Variants in ZFP64 observed in about 807,000 individuals in gnomAD.
ZFP64 encodes the protein zinc finger protein 64.
A neutral mutation model predicts 51.6 loss-of-function variants in ZFP64; 14 were observed. The observed-to-expected ratio is 0.27, with a 90% CI of 0.18 to 0.42. The LOEUF is 0.42. Ranked by LOEUF, ZFP64 falls within the 10% of genes least tolerant of loss-of-function variation. The probability of loss-of-function intolerance (pLI) is 1.00; values close to 1 mark genes in which losing one functional copy is unlikely to be tolerated. For synonymous variants in ZFP64, 375 were observed against 361.4 expected (o/e 1.04, Z -0.43); for missense variants, 754 against 906.8 (o/e 0.83, Z 2.16).
Position 52,191,536 on chromosome 20 carries a change from C to G in ZFP64, c.46+55G>C. ...CGTCGCAGACGTGCTTGGGCCCGGG[C>G]CCCGGAGCGCGCACTGGGCCCCGGA... On this transcript the variant is annotated intron_variant, in intron 1 of 5. Transcript: ENST00000216923. The surrounding 1 kb of genome is among the most constrained non-coding windows in gnomAD (Gnocchi z 4.3). 6.7e-7 allele frequency: 1 copy of G among 1,498,110 alleles called. No individual in the cohort carries two copies. The highest frequency in any genetic ancestry group is 8.9e-7 in the Non-Finnish European group (1 of 1,126,112). 92.8% of individuals were successfully genotyped at this position (1,498,110 alleles called of 1,614,324 possible).
rs187654303 is a variant in ZFP64, at chr20:52,121,855, G to T, written c.764-23268C>A. On this transcript the variant is annotated intron_variant, in intron 5 of 8. Coordinates refer to the ZFP64 transcript ENST00000361387. ...AAGGACAGGCTGATTTTCTTGTTAGGGGCTAATGTAGCTGGTGACTTGAAG... is the reference window on the plus strand; with the variant it reads ...AAGGACAGGCTGATTTTCTTGTTAGTGGCTAATGTAGCTGGTGACTTGAAG... Among the ~76,000 whole-genome samples the T allele has an allele frequency of 2.6e-5, 4 of 152,242 alleles. No individual in the cohort carries two copies. In the East Asian group the frequency reaches 7.7e-4, roughly 29 times the overall value.
In ZFP64 at chr20:52,152,380, A is replaced by G. The variant is rs965870764; in HGVS notation, c.1812T>C (p.Ile604=). The G allele has an allele frequency of 3.1e-6, 5 of 1,614,172 alleles. No homozygotes were observed. Among genetic ancestry groups the G allele is most frequent in the Admixed American group, 1.7e-5 (1 of 60,028 alleles). ...CAGTGCAAGTAATACCCGAACTGGT[A>G]ATGAAAGTTTGATTGCCAGAGCCTT... ...PQEGSGNQTF[I]TSSGITCTDF... Residue 604 remains isoleucine, a synonymous_variant, in exon 6 of 6, where the codon ATT becomes ATC. Coordinates refer to ENST00000216923, the MANE Select transcript of ZFP64 (RefSeq NM_018197.3).
intron 2 of ZFP64, among the ~76,000 whole-genome samples, chr20:52,186,213 C>T (rs1481867474): frequency 2.0e-5 from 3 of 152,152 alleles, no homozygotes; most frequent in African/African-American, 7.2e-5. Context: ...AGTTATCTTC[C>T]TGCCCCTTAA....
intron 5 of ZFP64, among the ~76,000 whole-genome samples, chr20:52,120,612 T>A (rs973012018): frequency 1.4e-5 from 2 of 142,048 alleles, no homozygotes; most frequent in Non-Finnish European, 2.9e-5. Flanking sequence ...CTGAGATAAT[T>A]CTTGTAATAT....
chr20:52,180,753 A>G (rs1049189913), intron 2 of ZFP64, among the ~76,000 whole-genome samples: 2 of 152,098 alleles, frequency 1.3e-5, no homozygotes, highest in Non-Finnish European at 2.9e-5. Context: ...TGGAACCATC[A>G]GAGATGAGTT....
chr20:52,151,880 T>C lies in ZFP64; in HGVS notation c.*266A>G, dbSNP rs994085858. 4 of 980,522 alleles carry C rather than the reference T, an allele frequency of 4.1e-6. No homozygotes were observed. The African/African-American group carries it at 6.7e-5, about 16-fold the overall frequency. The allele number at this position is 980,522 out of a possible 1,614,324, so 60.7% of individuals were successfully genotyped here. On this transcript the variant is annotated 3_prime_UTR_variant, in exon 6 of 6. Transcript: ENST00000216923. ...GATGAAACCCCGTCTCTACTAAATATACAAAAATTAGCCAGTCATGATGTC... is the reference window on the plus strand; with the variant it reads ...GATGAAACCCCGTCTCTACTAAATACACAAAAATTAGCCAGTCATGATGTC...
At chr20:52,104,806 G>A (rs749486291) in intron 5 of ZFP64, 2 of 607,280 alleles carry the variant, frequency 3.3e-6, no homozygotes, top group African/African-American at 3.6e-5. Flanking sequence ...GGAGGCCGGA[G>A]ACTCGGGTGC....
At chr20:52,176,998 A>G (rs1289802210) in intron 2 of ZFP64, among the ~76,000 whole-genome samples, 22 of 152,140 alleles carry the variant, frequency 1.4e-4, no homozygotes, top group Admixed American at 1.4e-3. Context: ...CAAACAGGAA[A>G]AATAAACCAT....
At chr20:52,183,598 T>G (rs900386047) in intron 2 of ZFP64, among the ~76,000 whole-genome samples, 2 of 152,226 alleles carry the variant, frequency 1.3e-5, no homozygotes, top group Non-Finnish European at 2.9e-5. Flanking sequence ...AAGGGTTTTC[T>G]GGTTTTCACC....
At chr20:52,092,698 A>G (rs2078941353) in intron 7 of ZFP64, among the ~76,000 whole-genome samples, 1 of 152,174 alleles carries the variant, frequency 6.6e-6, no homozygotes, top group South Asian at 2.1e-4. Context: ...CACTGTAAAA[A>G]TACAAAAATT....
chr20:52,147,653 GC>G (rs1486134335), downstream of ZFP64, among the ~76,000 whole-genome samples: 1 of 151,504 alleles, frequency 6.6e-6, no homozygotes, highest in Non-Finnish European at 1.5e-5. Context: ...CCCTATTTTG[GC>G]TTTTCTTGAT....
chr20:52,155,087 T>C (rs527832404), intron 5 of ZFP64, among the ~76,000 whole-genome samples: 1 of 152,166 alleles, frequency 6.6e-6, no homozygotes, highest in Non-Finnish European at 1.5e-5. Context: ...TATATTAAAA[T>C]AGTTATTACA....
intron 7 of ZFP64, among the ~76,000 whole-genome samples, chr20:52,089,521 G>A (rs1482950201): frequency 3.3e-5 from 5 of 151,950 alleles, no homozygotes; most frequent in South Asian, 2.1e-4. Flanking sequence ...TGGGTGGATC[G>A]CTTGACCCCA....
chr20:52,188,384 G>A (rs1384829829), intron 1 of ZFP64, among the ~76,000 whole-genome samples: 6 of 137,630 alleles, frequency 4.4e-5, no homozygotes, highest in Non-Finnish European at 7.7e-5. Flanking sequence ...GTGCGATCTC[G>A]GCTCACTGCA....
At chr20:52,161,446 CTTTCTT>C (rs1981792234) in intron 4 of ZFP64, among the ~76,000 whole-genome samples, 1 of 127,724 alleles carries the variant, frequency 7.8e-6, no homozygotes, top group Non-Finnish European at 1.6e-5. Flanking sequence ...CTTGTGATTG[CTTTCTT>C]TTTTTTTTTT....
At chr20:52,136,043 G>A (rs551326420) in intron 5 of ZFP64, among the ~76,000 whole-genome samples, 1 of 133,188 alleles carries the variant, frequency 7.5e-6, no homozygotes, top group African/African-American at 2.8e-5. Flanking sequence ...AGGTTGCAGT[G>A]AGCCGAAATC....
exon 9 of ZFP64, chr20:52,084,501 G>A: frequency 6.6e-7 from 1 of 1,523,972 alleles, no homozygotes; most frequent in South Asian, 1.3e-5. Context: ...CCTCTGGAGG[G>A]CTGGGCAACA....
Position 52,085,695 on chromosome 20 carries a change from G to T in ZFP64, c.1229-429C>A, listed in dbSNP as rs553763314. Among the ~76,000 whole-genome samples the T allele has an allele frequency of 6.6e-6, 1 of 152,196 alleles. No homozygotes were observed. The highest frequency in any genetic ancestry group is 2.1e-4 in the South Asian group (1 of 4,806). On this transcript the variant is annotated intron_variant, in intron 8 of 8. Coordinates refer to the ZFP64 transcript ENST00000361387. The surrounding 1 kb of genome is among the most constrained non-coding windows in gnomAD (Gnocchi z 4.3). ...AAATCAAGCTAAGACCTGTGAAGACGCTTACTATAGTGTTTAATCTATATG... is the reference window on the plus strand; with the variant it reads ...AAATCAAGCTAAGACCTGTGAAGACTCTTACTATAGTGTTTAATCTATATG...
chr20:52,090,003 A>G (rs189142291), intron 7 of ZFP64, among the ~76,000 whole-genome samples: 23 of 152,366 alleles, frequency 1.5e-4, no homozygotes, highest in Admixed American at 1.4e-3. Context: ...GAAAAATCTT[A>G]GAAATGGAAG....
Sources: allele counts gnomAD v4.1 joint callset (sites outside exome capture counted in the v4.1 genomes callset), GRCh38; gene constraint gnomAD v4.1.1; non-coding constraint Gnocchi (gnomAD v3.1); transcripts MANE v1.5; gene names NCBI Gene and HGNC (gene_info 2026-07-23, HGNC 2026-07-21).